The following TFDP2 variants were observed in gnomAD, a reference collection of about 807,000 sequenced individuals.
The protein encoded by TFDP2 is transcription factor Dp-2, also known as transcription factor Dp-2 (E2F dimerization partner 2).
TFDP2 carries 17 observed loss-of-function variants against 59.3 expected under a neutral mutation model. That is an observed-to-expected ratio of 0.29 (90% CI 0.20 to 0.43). The LOEUF is 0.43. Among genes scored for constraint, TFDP2 ranks in the 20% least tolerant of loss-of-function variants. The pLI, the probability that TFDP2 is intolerant of heterozygous loss-of-function variation, is 1.00. For synonymous variants in TFDP2, 180 were observed against 194.7 expected, an observed-to-expected ratio of 0.92 and a Z score of 0.63; for missense variants, 391 against 528.8, an observed-to-expected ratio of 0.74 and a Z score of 2.56.
intron 3 of TFDP2, among the ~76,000 whole-genome samples, chr3:142,076,220 A>G (rs1464705395): frequency 2.0e-5 from 3 of 152,114 alleles, no homozygotes; most frequent in South Asian, 4.2e-4. Context: ...CAAAAAAAAA[A>G]AAAAAAGAAA....
intron 3 of TFDP2, among the ~76,000 whole-genome samples, chr3:142,088,141 C>A (rs2060865964): frequency 6.6e-6 from 1 of 152,122 alleles, no homozygotes; most frequent in Non-Finnish European, 1.5e-5. Flanking sequence ...AAATGCCTGG[C>A]ACATAGTAAG....
At chr3:142,142,251 G>A (rs901808626) in intron 1 of TFDP2, among the ~76,000 whole-genome samples, 5 of 152,156 alleles carry the variant, frequency 3.3e-5, no homozygotes, top group Admixed American at 2.6e-4. Context: ...AACAAATTCA[G>A]TAAAGTTACA....
chr3:142,044,654 A>C (rs1167326421), intron 3 of TFDP2, among the ~76,000 whole-genome samples: 6 of 152,178 alleles, frequency 3.9e-5, no homozygotes, highest in Non-Finnish European at 8.8e-5. Context: ...TACAGGCGTG[A>C]GCCACCGTGC....
At chr3:142,097,600 G>A (rs532941544) in intron 2 of TFDP2, among the ~76,000 whole-genome samples, 34 of 152,234 alleles carry the variant, frequency 2.2e-4, no homozygotes, top group Admixed American at 3.3e-4. Context: ...TGGGAGCATC[G>A]CTTGAGCCCA....
At chr3:141,977,311 C>T (rs530680032) in intron 7 of TFDP2, among the ~76,000 whole-genome samples, 10 of 149,804 alleles carry the variant, frequency 6.7e-5, no homozygotes, top group Admixed American at 1.3e-4. Flanking sequence ...GTGGCTCATG[C>T]CTGTAATCCC....
At chr3:142,002,852 T>C (rs1442879288) in intron 4 of TFDP2, among the ~76,000 whole-genome samples, 1 of 152,170 alleles carries the variant, frequency 6.6e-6, no homozygotes, top group African/African-American at 2.4e-5. Context: ...TTATAAATGA[T>C]AGAAATGTAT....
chr3:142,037,421 A>G (rs895269673), intron 3 of TFDP2, among the ~76,000 whole-genome samples: 1 of 152,192 alleles, frequency 6.6e-6, no homozygotes, highest in Admixed American at 6.5e-5. Flanking sequence ...ATGCTCTTTT[A>G]TTATAGATAA....
intron 2 of TFDP2, among the ~76,000 whole-genome samples, chr3:142,097,485 GT>G: frequency 1.3e-5 from 2 of 152,266 alleles, no homozygotes; most frequent in Middle Eastern, 6.8e-3. Flanking sequence ...GAGCCCAAGA[GT>G]TTGAGACCAG....
At chr3:142,110,503 CA>C (rs539385451) in intron 1 of TFDP2, among the ~76,000 whole-genome samples, 14 of 117,544 alleles carry the variant, frequency 1.2e-4, no homozygotes, top group African/African-American at 3.5e-4. Context: ...GACTCTGTCT[CA>C]AAAAAAAAAC....
At chr3:141,979,172 A>G (rs894580591) in intron 6 of TFDP2, among the ~76,000 whole-genome samples, 2 of 152,228 alleles carry the variant, frequency 1.3e-5, no homozygotes, top group African/African-American at 4.8e-5. Flanking sequence ...TTGCCTAGTG[A>G]TGTAACCATC....
At chr3:141,958,565 C>T (rs1157316939) in intron 11 of TFDP2, among the ~76,000 whole-genome samples, 1 of 152,090 alleles carries the variant, frequency 6.6e-6, no homozygotes, top group Admixed American at 6.5e-5. Flanking sequence ...GAGCCTGGGG[C>T]AGGGGCATGC....
At chr3:142,038,342 C>G (rs1390219269) in intron 3 of TFDP2, among the ~76,000 whole-genome samples, 1 of 142,360 alleles carries the variant, frequency 7.0e-6, no homozygotes, top group East Asian at 2.0e-4. Flanking sequence ...TGAGCTCATA[C>G]CACTGTACTC....
At chr3:142,015,609 G>T (rs146434334) in intron 3 of TFDP2, among the ~76,000 whole-genome samples, 2 of 152,066 alleles carry the variant, frequency 1.3e-5, no homozygotes, top group East Asian at 3.9e-4. Flanking sequence ...CTCTGGTCCC[G>T]GCCAACATCT....
intron 6 of TFDP2, among the ~76,000 whole-genome samples, chr3:141,982,181 TAATTA>T (rs1941559827): frequency 6.6e-6 from 1 of 152,160 alleles, no homozygotes; most frequent in South Asian, 2.1e-4. Context: ...TTTTTATATT[TAATTA>T]CACACTGAAA....
chr3:142,002,290 C>T (rs1387873589), intron 4 of TFDP2, among the ~76,000 whole-genome samples: 2 of 150,514 alleles, frequency 1.3e-5, no homozygotes, highest in Non-Finnish European at 3.0e-5. Flanking sequence ...CCACTGCACC[C>T]GGCCTAGCTA....
chr3:142,014,934 ATC>A lies in TFDP2; in HGVS notation c.83-9392_83-9391del, dbSNP rs368774407. ...CATTTGCTGTTTCCACTTCCTCCAC[ATC>A]TCAGTTTCTTTTGAACCCTCTCTTC... On this transcript the variant is annotated intron_variant, in intron 3 of 12. Transcript: ENST00000489671. 3.3e-4 allele frequency among the ~76,000 whole-genome samples: 51 copies of A among 152,250 alleles called. 1 individual carries two copies. The highest frequency in any genetic ancestry group is 1.2e-3 in the African/African-American group (48 of 41,560).
At chr3:142,083,798 C>T (rs757221128) in intron 3 of TFDP2, among the ~76,000 whole-genome samples, 6 of 152,070 alleles carry the variant, frequency 3.9e-5, no homozygotes, top group African/African-American at 7.2e-5. Flanking sequence ...ACTGGATATC[C>T]GTATGCAAAA....
intron 3 of TFDP2, among the ~76,000 whole-genome samples, chr3:142,087,082 G>T (rs2060827359): frequency 6.6e-6 from 1 of 152,158 alleles, no homozygotes; most frequent in Non-Finnish European, 1.5e-5. Context: ...AGGAATCAGG[G>T]CAGCGATCAA....
chr3:142,119,773 G>A (rs376416726), intron 1 of TFDP2, among the ~76,000 whole-genome samples: 1 of 152,202 alleles, frequency 6.6e-6, no homozygotes, highest in Non-Finnish European at 1.5e-5. Context: ...AAAAGAGACC[G>A]GGTGCAGCGG....
Sources: gnomAD v4.1 joint callset for allele counts (sites outside exome capture counted in the v4.1 genomes callset) on GRCh38, gnomAD v4.1.1 for gene constraint, MANE v1.5 for transcripts, NCBI Gene and HGNC (gene_info 2026-07-23, HGNC 2026-07-21) for gene names.